The following MYO9A variants were observed in gnomAD, a reference collection of about 807,000 sequenced individuals.
MYO9A encodes unconventional myosin-IXa.
Under a neutral mutation model 293.3 loss-of-function variants are expected in MYO9A, and 103 were observed. The observed-to-expected ratio is 0.35, with a 90% confidence interval of 0.30 to 0.41. The LOEUF is 0.41. MYO9A is among the 10% of genes least tolerant of loss of function. The probability of loss-of-function intolerance (pLI) is 1.00; values close to 1 mark genes in which losing one functional copy is unlikely to be tolerated. For synonymous variants in MYO9A, 1,001 were observed against 1,035.7 expected (o/e 0.97, Z 0.64); for missense variants, 2,685 against 3,033.0 (o/e 0.89, Z 2.69).
At chr15:72,109,901 A>AAAT (rs1308029096) in intron 1 of MYO9A, among the ~76,000 whole-genome samples, 1 of 151,832 alleles carries the variant, frequency 6.6e-6, no homozygotes, top group East Asian at 1.9e-4. Flanking sequence ...GTCTCACAAA[A>AAAT]AAATAAATAA....
chr15:72,058,227 A>G (rs1392177617), intron 1 of MYO9A, among the ~76,000 whole-genome samples: 1 of 152,240 alleles, frequency 6.6e-6, no homozygotes, highest in African/African-American at 2.4e-5. Flanking sequence ...GAAATATGGA[A>G]AAGAATTTAT....
chr15:71,892,796 C>A, intron 26 of MYO9A: 1 of 289,418 alleles, frequency 3.5e-6, no homozygotes, highest in East Asian at 1.1e-4. Flanking sequence ...TTAAAGTGCC[C>A]TTTATTTGAG....
intron 11 of MYO9A, among the ~76,000 whole-genome samples, chr15:71,979,114 A>C (rs2147870592): frequency 6.6e-6 from 1 of 152,122 alleles, no homozygotes; most frequent in African/African-American, 2.4e-5. Context: ...AGTGATTTTG[A>C]AATTCTTTTT....
intron 9 of MYO9A, 63 bp from the exon 10 acceptor site, chr15:71,994,648 G>C (rs994154412): frequency 1.1e-6 from 1 of 900,836 alleles, no homozygotes; most frequent in Non-Finnish European, 1.7e-6. Context: ...CTATGACAAA[G>C]TTGTTTGCTC....
intron 4 of MYO9A, among the ~76,000 whole-genome samples, chr15:72,023,146 C>G (rs1259349700): frequency 6.6e-6 from 1 of 152,012 alleles, no homozygotes; most frequent in Non-Finnish European, 1.5e-5. Flanking sequence ...AAAAATATAA[C>G]TGCAATGAAA....
Position 71,898,249 on chromosome 15 carries a change from A to G in MYO9A, c.4254T>C (p.Pro1418=). The change falls in exon 25 of 42, where the codon CCT becomes CCC. Residue 1418 remains proline, a synonymous_variant. Coordinates refer to ENST00000356056, the MANE Select transcript of MYO9A (RefSeq NM_006901.4). ...LKDSFISNSL[P]TFFYIPQQDP... is the part of the protein sequence containing the mutation. Reference sequence around the variant, plus strand: ...CTTGTTGGGGGATATAAAAAAAAGTAGGTAGACTATTTGAAATGAAGGAGT... The same window carrying G: ...CTTGTTGGGGGATATAAAAAAAAGTGGGTAGACTATTTGAAATGAAGGAGT... 2 of 1,614,148 alleles carry G rather than the reference A, an allele frequency of 1.2e-6. No individual in the cohort carries two copies. Among genetic ancestry groups the G allele is most frequent in the Non-Finnish European group, 1.7e-6 (2 of 1,180,028 alleles).
Position 72,118,075 on chromosome 15 carries a change from G to A in MYO9A, c.-467C>T, listed in dbSNP as rs2081070922. 5.1e-6 allele frequency: 2 copies of A among 394,478 alleles called. No homozygotes were observed. The highest frequency in any genetic ancestry group is 2.1e-5 in the African/African-American group (1 of 48,330). The allele number at this position is 394,478 out of a possible 1,614,324, so 24.4% of individuals were successfully genotyped here. On this transcript the variant is annotated 5_prime_UTR_variant, in exon 1 of 42. Coordinates refer to ENST00000356056, the MANE Select transcript of MYO9A (RefSeq NM_006901.4). ...GCCGCCGCGTCCCTTATCCGCTTCG[G>A]TCGCGCGCCCCCGACCCCGCGCACG... is the stretch of plus-strand genomic sequence containing the variant.
At position 72,117,725 on chromosome 15, in the gene MYO9A, G is replaced by A. The variant is rs1357567623; in HGVS notation, c.-117C>T. 1 of 397,314 alleles carries A rather than the reference G, an allele frequency of 2.5e-6. No homozygotes were observed. Among genetic ancestry groups the A allele is most frequent in the Non-Finnish European group, 4.4e-6 (1 of 225,114 alleles). 24.6% of individuals were successfully genotyped at this position (397,314 alleles called of 1,614,324 possible). A position where few individuals can be genotyped will look rare whatever the true frequency, so the allele number is the denominator to read the frequency against. On this transcript the variant is annotated 5_prime_UTR_variant, in exon 1 of 42. Transcript: ENST00000356056. ...CCACCGCAGCCCCCTCCTCTTCGAC[G>A]GAAGCTGCCTTCCACCCTCCGCCCC...
intron 34 of MYO9A, among the ~76,000 whole-genome samples, chr15:71,858,153 T>C (rs1454167916): frequency 2.0e-5 from 3 of 152,264 alleles, no homozygotes; most frequent in African/African-American, 7.2e-5. Flanking sequence ...TTTTACACTG[T>C]TGGTGGGACT....
chr15:71,956,330 A>AAAAAAAAATATATAT (rs10642655), intron 14 of MYO9A, among the ~76,000 whole-genome samples: 2 of 75,584 alleles, frequency 2.6e-5, no homozygotes, highest in African/African-American at 1.2e-4. Context: ...AAAAAAAAAA[A>AAAAAAAAATATATAT]ATATATATAT....
intron 24 of MYO9A, 120 bp downstream of exon 24, chr15:71,899,567 T>G: frequency 4.7e-6 from 4 of 859,470 alleles, no homozygotes; most frequent in Non-Finnish European, 7.1e-6. Context: ...CACAGTATAG[T>G]GGAAAAGACA....
At position 71,898,189 on chromosome 15, in the gene MYO9A, A is replaced by T; in HGVS notation, c.4314T>A (p.Ser1438Arg). The T allele has an allele frequency of 6.2e-7, 1 of 1,614,126 alleles. No homozygotes were observed. Among genetic ancestry groups the T allele is most frequent in the South Asian group, 1.1e-5 (1 of 91,078 alleles). Reference protein sequence around the residue: ...PLKTNSQLDTSIQRNKLLENE... With the variant: ...PLKTNSQLDTRIQRNKLLENE... Reference sequence around the variant, plus strand: ...TTTCCAATAGTTTGTTTCTTTGGATACTTGTGTCTAGTTGGGAATTTGTTT... The same window carrying T: ...TTTCCAATAGTTTGTTTCTTTGGATTCTTGTGTCTAGTTGGGAATTTGTTT... Residue 1438 changes from serine (S) to arginine (R), a missense_variant, in exon 25 of 42, where the codon AGT (serine) becomes AGA (arginine). This residue lies in a region of MYO9A where 1,434 missense variants were observed against 1,497.7 expected (regional missense o/e 0.96). Coordinates refer to ENST00000356056, the MANE Select transcript of MYO9A (RefSeq NM_006901.4).
chr15:71,891,847 A>G (rs1463139504), intron 26 of MYO9A: 1 of 152,216 alleles, frequency 6.6e-6, no homozygotes, highest in Non-Finnish European at 1.5e-5. Flanking sequence ...ATTCTGGACA[A>G]TAGGAGAAAT....
chr15:71,938,886 G>T lies in MYO9A; in HGVS notation c.2344C>A (p.Gln782Lys), dbSNP rs539244075. ...TTTTCATTTAGAGCATTCATGCCCTGGAGATCAGAAAGAGGTGTTCTGGGA... is the reference window on the plus strand; with the variant it reads ...TTTTCATTTAGAGCATTCATGCCCTTGAGATCAGAAAGAGGTGTTCTGGGA... ...KNPRTPLSDL[Q>K]GMNALNEKNQ... is the part of the protein sequence containing the mutation. Residue 782 changes from glutamine (Q) to lysine (K), a missense_variant, in exon 16 of 42, where the codon CAG (glutamine) becomes AAG (lysine). Coordinates refer to ENST00000356056, the MANE Select transcript of MYO9A (RefSeq NM_006901.4). The T allele has an allele frequency of 2.7e-5, 44 of 1,610,962 alleles. No homozygotes were observed. The highest frequency in any genetic ancestry group is 3.6e-5 in the Non-Finnish European group (43 of 1,178,826).
chr15:72,082,952 T>C (rs879955758), intron 1 of MYO9A, among the ~76,000 whole-genome samples: 1 of 151,240 alleles, frequency 6.6e-6, no homozygotes, highest in Non-Finnish European at 1.5e-5. Flanking sequence ...ATTTTTGCAT[T>C]GATATTCATC....
intron 1 of MYO9A, among the ~76,000 whole-genome samples, chr15:72,063,526 AAGG>A (rs1647597347): frequency 6.6e-6 from 1 of 152,196 alleles, no homozygotes; most frequent in Non-Finnish European, 1.5e-5. Context: ...AAGAATATAT[AAGG>A]AGTTCAAACA....
At chr15:71,914,391 G>C (rs1261140081) in intron 19 of MYO9A, among the ~76,000 whole-genome samples, 1 of 152,176 alleles carries the variant, frequency 6.6e-6, no homozygotes, top group Non-Finnish European at 1.5e-5. Context: ...TCCTTTGTGA[G>C]TTCTATGGTA....
chr15:72,072,125 C>T (rs1187902704), intron 1 of MYO9A, among the ~76,000 whole-genome samples: 1 of 150,250 alleles, frequency 6.7e-6, no homozygotes, highest in East Asian at 1.9e-4. Flanking sequence ...AAAAAGATAC[C>T]TACATTCTTT....
At chr15:71,946,505 T>C (rs540037674) in intron 15 of MYO9A, among the ~76,000 whole-genome samples, 1 of 152,360 alleles carries the variant, frequency 6.6e-6, no homozygotes, top group Admixed American at 6.5e-5. Context: ...TTTTGATTTC[T>C]GTAGCATATA....
Sources: gnomAD v4.1 joint callset for allele counts (sites outside exome capture counted in the v4.1 genomes callset) on GRCh38, gnomAD v4.1.1 for gene constraint, gnomAD v4.1.1 regional missense constraint, MANE v1.5 for transcripts, NCBI Gene and HGNC (gene_info 2026-07-23, HGNC 2026-07-21) for gene names.